RASSF8: variants seen among roughly 807,000 people sequenced by gnomAD.
The protein encoded by RASSF8 is Ras association domain family member 8, also known as ras association domain-containing protein 8.
Under a neutral mutation model 48.5 loss-of-function variants are expected in RASSF8, and 22 were observed. The observed-to-expected ratio is 0.45, with a 90% CI of 0.32 to 0.65. The LOEUF is 0.65. Ranked by LOEUF, RASSF8 falls within the 30% of genes least tolerant of loss-of-function variation. The probability of loss-of-function intolerance (pLI) is 0.03; values close to 1 mark genes in which losing one functional copy is unlikely to be tolerated. For missense variants in RASSF8, 418 were observed against 489.2 expected, an observed-to-expected ratio of 0.85 and a Z score of 1.37; for synonymous variants, 127 against 171.5, an observed-to-expected ratio of 0.74 and a Z score of 2.03.
intron 2 of RASSF8, among the ~76,000 whole-genome samples, chr12:26,046,627 A>G (rs999626412): frequency 3.9e-5 from 6 of 152,254 alleles, no homozygotes; most frequent in African/African-American, 1.4e-4. Flanking sequence ...ACTTGAGACC[A>G]GAAGTTCAAG....
intron 2 of RASSF8, among the ~76,000 whole-genome samples, chr12:26,008,073 A>G (rs183104313): frequency 3.3e-4 from 51 of 152,282 alleles, no homozygotes; most frequent in African/African-American, 1.2e-3. Context: ...GGAGACCGAG[A>G]CCATCCTGGC....
At position 26,068,846 on chromosome 12, in the gene RASSF8, AAC is replaced by A; in HGVS notation, c.*30_*31del. The A allele has an allele frequency of 1.3e-6, 2 of 1,535,746 alleles. No individual in the cohort carries two copies. The highest frequency in any genetic ancestry group is 1.7e-6 in the Non-Finnish European group (2 of 1,146,126). On this transcript the variant is annotated 3_prime_UTR_variant, in exon 6 of 6. Transcript: ENST00000689635. ...TTATCTGTCTTTAGGGAGGAGACCC[AAC>A]AGAGGTACCAAGGACAGTAAACTTC...
At chr12:26,035,580 T>G (rs1328689580) in intron 2 of RASSF8, among the ~76,000 whole-genome samples, 1 of 143,490 alleles carries the variant, frequency 7.0e-6, no homozygotes, top group Non-Finnish European at 1.5e-5. Context: ...ATATTGTATA[T>G]ATAATTTTAT....
At chr12:26,033,149 C>G (rs1943063842) in intron 2 of RASSF8, among the ~76,000 whole-genome samples, 1 of 152,158 alleles carries the variant, frequency 6.6e-6, no homozygotes, top group Middle Eastern at 3.2e-3. Context: ...TCAGCTGAAT[C>G]ATAAATACTC....
chr12:26,068,013 T>C (rs1206636713), intron 5 of RASSF8, among the ~76,000 whole-genome samples: 1 of 152,128 alleles, frequency 6.6e-6, no homozygotes, highest in Non-Finnish European at 1.5e-5. Flanking sequence ...TCAAGTGATA[T>C]GCCTGCCTCA....
At chr12:26,065,420 C>T (rs199593277) in intron 4 of RASSF8, 33 bp downstream of exon 4, 268 of 1,545,956 alleles carry the variant, frequency 1.7e-4, no homozygotes, top group Non-Finnish European at 2.3e-4. Context: ...AATGTTTGGC[C>T]CATGTAAAAT....
At chr12:26,057,953 T>G (rs1298323747) in intron 3 of RASSF8, among the ~76,000 whole-genome samples, 1 of 152,192 alleles carries the variant, frequency 6.6e-6, no homozygotes, top group Non-Finnish European at 1.5e-5. Context: ...TTCATATCCT[T>G]TGCCCACTTT....
Position 26,071,415 on chromosome 12 carries a change from A to G in RASSF8, c.*2597A>G, listed in dbSNP as rs1212896847. On this transcript the variant is annotated 3_prime_UTR_variant, in exon 6 of 6. Transcript: ENST00000689635. ...TCAATGTTTTGTGTTTTTTTTAAAA[A>G]AATCATATTGCAACTTGTTTTATTG... 1 of 943,002 alleles carries G rather than the reference A, an allele frequency of 1.1e-6. No individual in the cohort carries two copies. The highest frequency in any genetic ancestry group is 1.8e-5 in the African/African-American group (1 of 56,130). The allele number at this position is 943,002 out of a possible 1,614,324, so 58.4% of individuals were successfully genotyped here. A position where few individuals can be genotyped will look rare whatever the true frequency, so the allele number is the denominator to read the frequency against.
intron 3 of RASSF8, among the ~76,000 whole-genome samples, chr12:26,063,522 A>G (rs1194336207): frequency 1.3e-5 from 2 of 151,914 alleles, no homozygotes; most frequent in Non-Finnish European, 2.9e-5. Flanking sequence ...TCAGCCTCTC[A>G]AGTAGCTAGG....
intron 2 of RASSF8, among the ~76,000 whole-genome samples, chr12:26,023,936 G>A (rs1942845941): frequency 6.6e-6 from 1 of 152,048 alleles, no homozygotes; most frequent in Non-Finnish European, 1.5e-5. Flanking sequence ...AAGAGAACGA[G>A]GAATGGTAAA....
chr12:26,002,531 T>A (rs1942285552), intron 2 of RASSF8, among the ~76,000 whole-genome samples: 1 of 152,048 alleles, frequency 6.6e-6, no homozygotes, highest in Admixed American at 6.6e-5. Context: ...ATCCCAGCAC[T>A]TTGGGAGGCC....
intron 2 of RASSF8, among the ~76,000 whole-genome samples, chr12:26,043,808 C>A (rs1943316495): frequency 6.6e-6 from 1 of 152,082 alleles, no homozygotes; most frequent in Non-Finnish European, 1.5e-5. Flanking sequence ...AATGTAACGC[C>A]AAAGAAACCA....
At chr12:25,966,417 C>T (rs1941361745) in intron 1 of RASSF8, among the ~76,000 whole-genome samples, 1 of 152,038 alleles carries the variant, frequency 6.6e-6, no homozygotes, top group Admixed American at 6.5e-5. Context: ...GCTATGTTGC[C>T]CAGGCTGGTC....
At chr12:26,013,261 TAAG>T (rs1337826215) in intron 2 of RASSF8, among the ~76,000 whole-genome samples, 1 of 152,164 alleles carries the variant, frequency 6.6e-6, no homozygotes, top group East Asian at 1.9e-4. Context: ...AGTAAAACCA[TAAG>T]AAAATGTGGC....
At position 26,048,014 on chromosome 12, in the gene RASSF8, A is replaced by G. The variant is rs755850984; in HGVS notation, c.-108-7222A>G. 7.2e-5 allele frequency among the ~76,000 whole-genome samples: 11 copies of G among 152,362 alleles called. No individual in the cohort carries two copies. In the South Asian group the frequency reaches 2.3e-3, roughly 32 times the overall value. ...CATTTAAAGGAAGCGGCTAGAAAGC[A>G]GGAAGCCCAGTCCATGAGGCAGGAG... On this transcript the variant is annotated intron_variant, in intron 2 of 5. Transcript: ENST00000689635.
chr12:25,967,137 A>G (rs537658347), intron 1 of RASSF8, among the ~76,000 whole-genome samples: 1 of 152,238 alleles, frequency 6.6e-6, no homozygotes. Context: ...TAATTATCAC[A>G]GCTGGATGAC....
chr12:26,025,521 C>T (rs73079021), intron 2 of RASSF8, among the ~76,000 whole-genome samples: 27,897 of 148,890 alleles, frequency 0.19, 2,728 homozygotes, highest in East Asian at 0.24. Flanking sequence ...GAGATCGCAC[C>T]GCTGCACTCT....
intron 1 of RASSF8, among the ~76,000 whole-genome samples, chr12:25,973,296 G>A (rs1941527259): frequency 6.6e-6 from 1 of 152,102 alleles, no homozygotes; most frequent in Admixed American, 6.6e-5. Context: ...TGGGACATAT[G>A]AAGGGGAATT....
At chr12:26,045,018 T>C (rs1943342881) in intron 2 of RASSF8, among the ~76,000 whole-genome samples, 3 of 152,224 alleles carry the variant, frequency 2.0e-5, no homozygotes, top group Admixed American at 2.0e-4. Flanking sequence ...AGGATGTACC[T>C]ATTTTTGCAT....
Sources: allele counts gnomAD v4.1 joint callset (sites outside exome capture counted in the v4.1 genomes callset), GRCh38; gene constraint gnomAD v4.1.1; transcripts MANE v1.5; gene names NCBI Gene and HGNC (gene_info 2026-07-23, HGNC 2026-07-21).